CEP44: variants seen among roughly 807,000 people sequenced by gnomAD.
The protein encoded by CEP44 is centrosomal protein 44.
In CEP44, 45 loss-of-function variants were observed where a neutral mutation model predicts 46.7. That is an observed-to-expected ratio of 0.96 (90% CI 0.76 to 1.24). The LOEUF is 1.24. CEP44 is among the 50% of genes most tolerant of loss of function. CEP44 has a pLI of 0.00. For synonymous variants in CEP44, 142 were observed against 146.0 expected (o/e 0.97, Z 0.20); for missense variants, 475 against 459.7 (o/e 1.03, Z -0.30).
In CEP44 at chr4:174,310,875, T is replaced by C; in HGVS notation, c.961+17T>C. 1 of 1,166,536 alleles carries C rather than the reference T, an allele frequency of 8.6e-7. No homozygotes were observed. Among genetic ancestry groups the C allele is most frequent in the Non-Finnish European group, 1.3e-6 (1 of 798,630 alleles). The allele number at this position is 1,166,536 out of a possible 1,614,324, so 72.3% of individuals were successfully genotyped here. On this transcript the variant is annotated intron_variant, in intron 9 of 11. Coordinates refer to ENST00000503780, the MANE Select transcript of CEP44 (RefSeq NM_001040157.3). The surrounding 1 kb of genome is among the most constrained non-coding windows in gnomAD (Gnocchi z 4.2). ...TGAATCCTCGTAAGTTTGTAAATAC[T>C]ATGAGAATTGGTATGATGAGTTTTC...
Position 174,311,751 on chromosome 4 carries a change from G to T in CEP44, c.961+893G>T, listed in dbSNP as rs533501994. 6.6e-6 allele frequency among the ~76,000 whole-genome samples: 1 copy of T among 152,142 alleles called. No individual in the cohort carries two copies. Among genetic ancestry groups the T allele is most frequent in the Admixed American group, 6.6e-5 (1 of 15,246 alleles). On this transcript the variant is annotated intron_variant, in intron 9 of 11. Transcript: ENST00000503780. The surrounding 1 kb of genome is among the most constrained non-coding windows in gnomAD (Gnocchi z 4.4). ...GCAAAATTAAGTAACTACAGCAAAG[G>T]TCACACAGTTATTGAATTGTAGATC...
At position 174,299,298 on chromosome 4, in the gene CEP44, G is replaced by C. The variant is rs550510000; in HGVS notation, c.89+88G>C. The C allele has an allele frequency of 4.0e-6, 4 of 993,130 alleles. No individual in the cohort carries two copies. The South Asian group carries it at 6.9e-5, about 17-fold the overall frequency. The allele number at this position is 993,130 out of a possible 1,614,324, so 61.5% of individuals were successfully genotyped here. Reference sequence around the variant, plus strand: ...ATGGGGGACTACCTGAGAAAAATCAGATTTTACCTGGTTCCTATTTAAATC... The same window carrying C: ...ATGGGGGACTACCTGAGAAAAATCACATTTTACCTGGTTCCTATTTAAATC... On this transcript the variant is annotated intron_variant, in intron 3 of 11. Transcript: ENST00000503780.
At position 174,314,623 on chromosome 4, in the gene CEP44, G is replaced by GT. The variant is rs1179368573; in HGVS notation, c.962-1540dup. Among the ~76,000 whole-genome samples the GT allele has an allele frequency of 6.6e-6, 1 of 152,016 alleles. No individual in the cohort carries two copies. The highest frequency in any genetic ancestry group is 2.4e-5 in the African/African-American group (1 of 41,320). ...ACCCTTTATCTGTCTTCCCGGACCT[G>GT]TTTCCTTTTCCTAGGGCCCCCTCCT... On this transcript the variant is annotated intron_variant, in intron 9 of 11. Transcript: ENST00000503780. The surrounding 1 kb of genome is among the most constrained non-coding windows in gnomAD (Gnocchi z 4.1).
At chr4:174,332,986 C>T (rs1731387148) in exon 9 of CEP44, 1 of 151,846 alleles carries the variant, frequency 6.6e-6, no homozygotes, top group South Asian at 2.1e-4. Context: ...AAGAGTTCTT[C>T]GGAATTTACT....
Position 174,318,045 on chromosome 4 carries a change from T to G in CEP44, c.*662T>G. On this transcript the variant is annotated 3_prime_UTR_variant, in exon 12 of 12. Transcript: ENST00000503780. Reference sequence around the variant, plus strand: ...TCACCATGAGAAATGTGTTGAACATTTTAGTATGCTCTATTGTATAATTTT... The same window carrying G: ...TCACCATGAGAAATGTGTTGAACATGTTAGTATGCTCTATTGTATAATTTT... 1.0e-6 allele frequency: 1 copy of G among 985,370 alleles called. No homozygotes were observed. Among genetic ancestry groups the G allele is most frequent in the Non-Finnish European group, 1.2e-6 (1 of 829,920 alleles). The allele number at this position is 985,370 out of a possible 1,614,324, so 61.0% of individuals were successfully genotyped here. A position where few individuals can be genotyped will look rare whatever the true frequency, so the allele number is the denominator to read the frequency against.
chr4:174,303,783 C>A lies in CEP44; in HGVS notation c.318C>A (p.Ile106=). 1.3e-6 allele frequency: 2 copies of A among 1,570,380 alleles called. No individual in the cohort carries two copies. The highest frequency in any genetic ancestry group is 2.3e-5 in the South Asian group (2 of 85,718). Residue 106 remains isoleucine, a synonymous_variant, in exon 5 of 12, where the codon ATC becomes ATA. Coordinates refer to ENST00000503780, the MANE Select transcript of CEP44 (RefSeq NM_001040157.3). ...AATGTGGGTTTGCAGAATGGAAAAT[C>A]CAAATTGTTTGTGATATTTTGAATT... is the stretch of plus-strand genomic sequence containing the variant. The part of the protein sequence containing the change: ...FIQCGFAEWK[I]QIVCDILNCV...
At position 174,331,838 on chromosome 4, in the gene CEP44, A is replaced by G; in HGVS notation, c.*243A>G. On this transcript the variant is annotated 3_prime_UTR_variant, in exon 9 of 9. Transcript: ENST00000426172. The surrounding 1 kb of genome is among the most constrained non-coding windows in gnomAD (Gnocchi z 4.5). ...TGTCTGCTGATAGCCCCTCACTCAT[A>G]TTTTTCATGTGGGTTTATAGCTTTC... 2.4e-6 allele frequency: 1 copy of G among 410,446 alleles called. No individual in the cohort carries two copies. Among genetic ancestry groups the G allele is most frequent in the Admixed American group, 4.2e-5 (1 of 23,756 alleles). 25.4% of individuals were successfully genotyped at this position (410,446 alleles called of 1,614,324 possible).
At chr4:174,284,055 T>C (rs918618700) in intron 1 of CEP44, 112 bp downstream of exon 1, 2 of 399,268 alleles carry the variant, frequency 5.0e-6, no homozygotes, top group Non-Finnish European at 4.4e-6. Flanking sequence ...TGGACTCTGG[T>C]GACTGTGTAT....
intron 1 of CEP44, among the ~76,000 whole-genome samples, chr4:174,295,703 G>C (rs749584678): frequency 1.3e-5 from 2 of 152,218 alleles, no homozygotes; most frequent in Non-Finnish European, 2.9e-5. Flanking sequence ...GCACCATTGA[G>C]CACTGAGTGA....
chr4:174,319,543 A>G lies in CEP44; in HGVS notation c.*2160A>G, dbSNP rs1742103998. 2 of 838,440 alleles carry G rather than the reference A, an allele frequency of 2.4e-6. No individual in the cohort carries two copies. The highest frequency in any genetic ancestry group is 1.8e-5 in the African/African-American group (1 of 54,344). 51.9% of individuals were successfully genotyped at this position (838,440 alleles called of 1,614,324 possible). A position where few individuals can be genotyped will look rare whatever the true frequency, so the allele number is the denominator to read the frequency against. The stretch of plus-strand genomic sequence containing the variant: ...TTCTACCCTTTCTTTTTTTCTTTAT[A>G]TAGTGCAGATATACACACAGAGAAG... On this transcript the variant is annotated 3_prime_UTR_variant, in exon 12 of 12. Transcript: ENST00000503780.
chr4:174,288,194 AT>A lies in CEP44; in HGVS notation c.-148+4253del, dbSNP rs1481511662. On this transcript the variant is annotated intron_variant, in intron 1 of 11. Transcript: ENST00000503780. The surrounding 1 kb of genome is among the most constrained non-coding windows in gnomAD (Gnocchi z 4.6). ...AGTTTCTGTTTGGAGATAAGTAGAT[AT>A]TGTGAAACCATCCAACCATTATTAC... is the stretch of plus-strand genomic sequence containing the variant. 6.6e-6 allele frequency among the ~76,000 whole-genome samples: 1 copy of A among 152,220 alleles called. No individual in the cohort carries two copies. The highest frequency in any genetic ancestry group is 1.9e-4 in the East Asian group (1 of 5,202).
Position 174,290,623 on chromosome 4 carries a change from T to C in CEP44, c.-148+6680T>C, listed in dbSNP as rs1049690088. 6.6e-5 allele frequency among the ~76,000 whole-genome samples: 10 copies of C among 152,296 alleles called. No homozygotes were observed. The highest frequency in any genetic ancestry group is 2.4e-4 in the African/African-American group (10 of 41,580). On this transcript the variant is annotated intron_variant, in intron 1 of 11. Transcript: ENST00000503780. The surrounding 1 kb of genome is among the most constrained non-coding windows in gnomAD (Gnocchi z 4.3). ...TTCTGTCCGGATGACCAGTACATTA[T>C]AGACAGTGACGTATCAAAGTCTCCT...
chr4:174,316,420 A>G (rs1741720729), intron 10 of CEP44, 110 bp from the exon 11 acceptor site: 2 of 1,360,972 alleles, frequency 1.5e-6, no homozygotes, highest in Middle Eastern at 2.3e-4. Flanking sequence ...TTTCATAAGT[A>G]AACAGTACTT....
chr4:174,303,067 A>T (rs968262785), intron 4 of CEP44, among the ~76,000 whole-genome samples: 6 of 152,176 alleles, frequency 3.9e-5, no homozygotes, highest in Admixed American at 2.6e-4. Context: ...GGCATGAGCC[A>T]CCGCACCCAG....
chr4:174,319,442 C>T lies in CEP44; in HGVS notation c.*2059C>T, dbSNP rs1335290121. On this transcript the variant is annotated 3_prime_UTR_variant, in exon 12 of 12. Transcript: ENST00000503780. ...CATCAAACAGGATAATATTTTTTCC[C>T]TTTTGAAAAATTCAATTTTAAAAAG... is the stretch of plus-strand genomic sequence containing the variant. 4.1e-6 allele frequency: 4 copies of T among 979,674 alleles called. No homozygotes were observed. The highest frequency in any genetic ancestry group is 4.8e-6 in the Non-Finnish European group (4 of 824,912). The allele number at this position is 979,674 out of a possible 1,614,324, so 60.7% of individuals were successfully genotyped here.
rs1159420570 is a variant in CEP44, at chr4:174,325,380, A to ACAGT, written c.1087-6099_1087-6096dup. Among the ~76,000 whole-genome samples, 2 of 152,118 alleles carry ACAGT rather than the reference A, an allele frequency of 1.3e-5. No homozygotes were observed. Among genetic ancestry groups the ACAGT allele is most frequent in the Non-Finnish European group, 2.9e-5 (2 of 68,010 alleles). ...CACTGAGAGAGGGGTGTAGCCATGTACAGTCACTCATGCCTGTAATTCCAG... is the reference window on the plus strand; with the variant it reads ...CACTGAGAGAGGGGTGTAGCCATGTACAGTCAGTCACTCATGCCTGTAATTCCAG... On this transcript the variant is annotated intron_variant, in intron 8 of 8. Coordinates refer to the CEP44 transcript ENST00000426172. The surrounding 1 kb of genome is among the most constrained non-coding windows in gnomAD (Gnocchi z 4.4).
At position 174,320,062 on chromosome 4, in the gene CEP44, G is replaced by A; in HGVS notation, c.*2679G>A. 2.0e-6 allele frequency: 2 copies of A among 984,882 alleles called. No individual in the cohort carries two copies. Among genetic ancestry groups the A allele is most frequent in the Non-Finnish European group, 2.4e-6 (2 of 829,786 alleles). The allele number at this position is 984,882 out of a possible 1,614,324, so 61.0% of individuals were successfully genotyped here. A position where few individuals can be genotyped will look rare whatever the true frequency, so the allele number is the denominator to read the frequency against. On this transcript the variant is annotated 3_prime_UTR_variant, in exon 12 of 12. Transcript: ENST00000503780. ...GAAAAAACACTGTACTACCAACAAA[G>A]GTGTCAGTTGCTTGTGCTGCCCTGT...
At position 174,314,567 on chromosome 4, in the gene CEP44, C is replaced by G. The variant is rs1741442522; in HGVS notation, c.962-1599C>G. The stretch of plus-strand genomic sequence containing the variant: ...GTTAGACACCGCAAAGTCTGGACCC[C>G]AAAATGGAAGACAAAGAGAGCCATT... On this transcript the variant is annotated intron_variant, in intron 9 of 11. Transcript: ENST00000503780. This position sits in a 1 kb window ranked among gnomAD's most constrained non-coding sequence, Gnocchi z 4.1. Among the ~76,000 whole-genome samples, 1 of 152,124 alleles carries G rather than the reference C, an allele frequency of 6.6e-6. No homozygotes were observed. Among genetic ancestry groups the G allele is most frequent in the Non-Finnish European group, 1.5e-5 (1 of 68,016 alleles).
At chr4:174,303,899 C>A in intron 5 of CEP44, 50 bp downstream of exon 5, 1 of 1,234,784 alleles carries the variant, frequency 8.1e-7, no homozygotes, top group Non-Finnish European at 1.1e-6. Flanking sequence ...TAATAGATGG[C>A]TCAGTATTTT....
Sources: gnomAD v4.1 joint callset for allele counts (sites outside exome capture counted in the v4.1 genomes callset) on GRCh38, gnomAD v4.1.1 for gene constraint, Gnocchi (gnomAD v3.1) non-coding constraint, MANE v1.5 for transcripts, NCBI Gene and HGNC (gene_info 2026-07-23, HGNC 2026-07-21) for gene names.